The following WNK3 variants were observed in gnomAD, a reference collection of about 807,000 sequenced individuals.
WNK3 encodes WNK lysine deficient protein kinase 3.
Under a neutral mutation model 116.7 loss-of-function variants are expected in WNK3, and 18 were observed. The observed-to-expected ratio is 0.15, with a 90% confidence interval of 0.11 to 0.23. WNK3 has a LOEUF of 0.23. WNK3 is among the 10% of genes least tolerant of loss of function. The probability of loss-of-function intolerance (pLI) is 1.00; values close to 1 mark genes in which losing one functional copy is unlikely to be tolerated. For missense variants in WNK3, 993 were observed against 1,323.8 expected (o/e 0.75, Z 3.88); for synonymous variants, 404 against 469.4 (o/e 0.86, Z 1.80).
At position 54,194,997 on chromosome X, in the gene WNK3, G is replaced by C. The variant is rs1028597358; in HGVS notation, c.*3327C>G. 8 of 111,480 alleles carry C rather than the reference G, an allele frequency of 7.2e-5. No homozygotes were observed. The South Asian group carries it at 2.2e-3, about 31-fold the overall frequency. 9.2% of individuals were successfully genotyped at this position (111,480 alleles called of 1,213,427 possible). On this transcript the variant is annotated 3_prime_UTR_variant, in exon 24 of 24. Coordinates refer to ENST00000354646, the Ensembl canonical transcript of WNK3. The stretch of plus-strand genomic sequence containing the variant: ...GATATAAAACTGGCAAGGAAGGGAT[G>C]AAAAACAGAATGAATATTTGTTATA...
At chrX:54,196,504 C>CT (rs2067445230) in exon 24 of WNK3, 1 of 106,475 alleles carries the variant, frequency 9.4e-6, no homozygotes, top group South Asian at 4.2e-4. Context: ...CATTACCTGG[C>CT]AAGCCCATGG....
At chrX:54,242,046 A>G (rs1213051413) in intron 17 of WNK3, among the ~76,000 whole-genome samples, 1 of 111,428 alleles carries the variant, frequency 9.0e-6, no homozygotes, top group African/African-American at 3.3e-5. Flanking sequence ...GCTCTTATAT[A>G]TAGAAAATCC....
chrX:54,298,418 A>G, intron 6 of WNK3, 24 bp from the exon 7 acceptor site: 1 of 1,084,621 alleles, frequency 9.2e-7, no homozygotes, highest in Non-Finnish European at 1.3e-6. Context: ...CATATATCTC[A>G]TTATCAGTTC....
intron 21 of WNK3, among the ~76,000 whole-genome samples, chrX:54,232,298 C>T (rs1462018311): frequency 9.1e-6 from 1 of 110,111 alleles, no homozygotes; most frequent in East Asian, 2.8e-4. Flanking sequence ...CCTGCCACCA[C>T]ATCCAGCTAA....
intron 22 of WNK3, 72 bp downstream of exon 22, chrX:54,228,642 T>TA (rs1411700427): frequency 2.3e-6 from 1 of 431,125 alleles, no homozygotes; most frequent in Non-Finnish European, 4.1e-6. Context: ...AACATTATGA[T>TA]ATGTGAAATA....
chrX:54,204,279 C>T (rs959999619), intron 22 of WNK3, among the ~76,000 whole-genome samples: 2 of 110,041 alleles, frequency 1.8e-5, no homozygotes, highest in South Asian at 4.0e-4. Context: ...CCACCACGCC[C>T]GGCTAATTTT....
chrX:54,257,244 T>C (rs945502192), intron 11 of WNK3, among the ~76,000 whole-genome samples: 1 of 110,444 alleles, frequency 9.1e-6, no homozygotes, highest in Non-Finnish European at 1.9e-5. Context: ...GTAGGCCCTG[T>C]CCTTCCCCAG....
At chrX:54,333,380 C>G (rs146653146) in exon 2 of WNK3, 2 of 1,211,255 alleles carry the variant, frequency 1.7e-6, no homozygotes, top group Non-Finnish European at 2.2e-6. Context: ...GTCCACCTCT[C>G]AACACATTTG....
intron 1 of WNK3, among the ~76,000 whole-genome samples, chrX:54,350,136 G>C (rs1557178294): frequency 8.9e-6 from 1 of 111,741 alleles, no homozygotes; most frequent in Non-Finnish European, 1.9e-5. Context: ...TAGGCCAGGT[G>C]CGGTGGCTCA....
At chrX:54,273,036 A>G (rs1385174195) in intron 10 of WNK3, among the ~76,000 whole-genome samples, 1 of 112,280 alleles carries the variant, frequency 8.9e-6, no homozygotes, top group Non-Finnish European at 1.9e-5. Context: ...TCATGCATTC[A>G]AAGTCTGAAA....
chrX:54,234,179 G>C (rs2067936263), intron 20 of WNK3, among the ~76,000 whole-genome samples: 1 of 110,540 alleles, frequency 9.0e-6, no homozygotes, highest in Non-Finnish European at 1.9e-5. Context: ...TCTGAGACCA[G>C]CCTGGGCAAC....
intron 10 of WNK3, among the ~76,000 whole-genome samples, chrX:54,271,077 C>G (rs2068378494): frequency 8.9e-6 from 1 of 111,792 alleles, no homozygotes; most frequent in Non-Finnish European, 1.9e-5. Context: ...CTGCGCCCAG[C>G]CTAAAAAGCT....
At chrX:54,299,919 G>A (rs1391714962) in intron 6 of WNK3, among the ~76,000 whole-genome samples, 1 of 110,129 alleles carries the variant, frequency 9.1e-6, no homozygotes, top group Non-Finnish European at 1.9e-5. Flanking sequence ...GAGTGCAGTG[G>A]CAAGATCTCG....
chrX:54,298,643 G>A (rs1428635391), intron 6 of WNK3, among the ~76,000 whole-genome samples: 1 of 111,643 alleles, frequency 9.0e-6, no homozygotes, highest in East Asian at 2.8e-4. Context: ...CATACGGAGT[G>A]ACTTCAATTA....
At chrX:54,312,216 C>T (rs1346955138) in intron 2 of WNK3, among the ~76,000 whole-genome samples, 3 of 109,850 alleles carry the variant, frequency 2.7e-5, no homozygotes, top group Non-Finnish European at 5.7e-5. Flanking sequence ...TCCCTAACTA[C>T]TCGAGAGGGT....
intron 10 of WNK3, among the ~76,000 whole-genome samples, chrX:54,273,029 T>G (rs2068401235): frequency 1.8e-5 from 2 of 112,271 alleles, no homozygotes; most frequent in South Asian, 7.4e-4. Context: ...TGACTCCTCA[T>G]GCATTCAAAG....
intron 22 of WNK3, among the ~76,000 whole-genome samples, chrX:54,208,496 T>C (rs1373574832): frequency 2.7e-5 from 3 of 111,175 alleles, no homozygotes; most frequent in African/African-American, 9.8e-5. Flanking sequence ...CACCTCAGCC[T>C]TCTGAGTAGC....
intron 2 of WNK3, among the ~76,000 whole-genome samples, chrX:54,332,403 C>A (rs1432155204): frequency 9.0e-6 from 1 of 111,283 alleles, no homozygotes; most frequent in African/African-American, 3.3e-5. Context: ...CACATGAACC[C>A]CCAAGATTTT....
chrX:54,294,837 C>G, exon 8 of WNK3: 1 of 1,176,708 alleles, frequency 8.5e-7, no homozygotes, highest in South Asian at 1.9e-5. Flanking sequence ...ATGGAAGAAC[C>G]CAGACTTGAC....
Sources: gnomAD v4.1 joint callset for allele counts (sites outside exome capture counted in the v4.1 genomes callset) on GRCh38, gnomAD v4.1.1 for gene constraint, MANE v1.5 for transcripts, NCBI Gene and HGNC (gene_info 2026-07-23, HGNC 2026-07-21) for gene names.